Variants in FNDC3B observed in about 807,000 individuals in gnomAD.
FNDC3B encodes fibronectin type III domain containing 3B.
A neutral mutation model predicts 151.5 loss-of-function variants in FNDC3B; 12 were observed. The observed-to-expected ratio is 0.08, with a 90% CI of 0.05 to 0.13. The LOEUF is 0.13. FNDC3B is among the 10% of genes least tolerant of loss of function. FNDC3B has a pLI of 1.00. For synonymous variants in FNDC3B, 528 were observed against 549.0 expected (o/e 0.96, Z 0.54); for missense variants, 1,214 against 1,505.3 (o/e 0.81, Z 3.20).
intron 3 of FNDC3B, among the ~76,000 whole-genome samples, chr3:172,180,379 A>G (rs1461873429): frequency 6.6e-6 from 1 of 152,210 alleles, no homozygotes; most frequent in African/African-American, 2.4e-5. Flanking sequence ...GTTTGAGAAC[A>G]TGAATGATTC....
intron 4 of FNDC3B, among the ~76,000 whole-genome samples, chr3:172,245,726 A>G (rs1275321456): frequency 3.3e-5 from 5 of 152,232 alleles, no homozygotes; most frequent in Non-Finnish European, 7.3e-5. Context: ...ATTAGCTTCC[A>G]TGCATTCATA....
intron 22 of FNDC3B, among the ~76,000 whole-genome samples, chr3:172,353,563 G>A (rs889813466): frequency 1.2e-4 from 18 of 152,240 alleles, no homozygotes; most frequent in African/African-American, 4.3e-4. Context: ...GAGCTCAGGG[G>A]TTCAACTGAG....
At chr3:172,378,174 AG>A in intron 23 of FNDC3B, 95 bp from the exon 24 acceptor site, 1 of 976,334 alleles carries the variant, frequency 1.0e-6, no homozygotes, top group South Asian at 1.8e-5. Context: ...AGCGTTTACC[AG>A]GTTGGCCTAA....
At chr3:172,329,499 G>C (rs1732525772) in intron 12 of FNDC3B, 2 of 156,560 alleles carry the variant, frequency 1.3e-5, no homozygotes, top group Admixed American at 6.5e-5. Flanking sequence ...TCAAGCCCAG[G>C]GCAGATACGG....
intron 6 of FNDC3B, among the ~76,000 whole-genome samples, chr3:172,262,770 G>A (rs1334932972): frequency 6.6e-6 from 1 of 151,556 alleles, no homozygotes; most frequent in East Asian, 1.9e-4. Flanking sequence ...TGGTGGGCAT[G>A]CCTGTAATCC....
chr3:172,385,311 A>G (rs1042579020), intron 25 of FNDC3B, among the ~76,000 whole-genome samples: 1 of 152,222 alleles, frequency 6.6e-6, no homozygotes, highest in Non-Finnish European at 1.5e-5. Context: ...CTACAGGCTC[A>G]CTGTGTATAC....
intron 1 of FNDC3B, among the ~76,000 whole-genome samples, chr3:172,079,237 G>A (rs1718166324): frequency 6.6e-6 from 1 of 152,082 alleles, no homozygotes; most frequent in African/African-American, 2.4e-5. Context: ...TTAGTGAGAC[G>A]AGGCCTCAGT....
chr3:172,194,465 TC>T (rs1174826578), intron 3 of FNDC3B, among the ~76,000 whole-genome samples: 1 of 152,228 alleles, frequency 6.6e-6, no homozygotes, highest in Non-Finnish European at 1.5e-5. Context: ...TCCTTCGTAC[TC>T]ACTCCAAAGT....
intron 22 of FNDC3B, among the ~76,000 whole-genome samples, chr3:172,359,093 A>C (rs535339847): frequency 6.6e-6 from 1 of 152,082 alleles, no homozygotes; most frequent in East Asian, 1.9e-4. Context: ...AGAGAACCCT[A>C]GAGCTAAAGA....
At chr3:172,117,604 T>G (rs756679468) in intron 2 of FNDC3B, among the ~76,000 whole-genome samples, 13 of 152,352 alleles carry the variant, frequency 8.5e-5, no homozygotes, top group Non-Finnish European at 1.2e-4. Context: ...TTTGTTAATT[T>G]AACGTGATAC....
At chr3:172,207,564 C>T (rs182444305) in intron 3 of FNDC3B, among the ~76,000 whole-genome samples, 30 of 152,228 alleles carry the variant, frequency 2.0e-4, no homozygotes, top group African/African-American at 7.0e-4. Flanking sequence ...TACCTGGGCT[C>T]AGGAGGGAGG....
At chr3:172,313,500 A>G (rs891987188) in intron 11 of FNDC3B, among the ~76,000 whole-genome samples, 3 of 152,136 alleles carry the variant, frequency 2.0e-5, no homozygotes, top group African/African-American at 7.2e-5. Context: ...ATTTGGAATC[A>G]TTTTCACTGT....
chr3:172,273,396 A>G (rs781301598), intron 6 of FNDC3B, among the ~76,000 whole-genome samples: 14 of 152,164 alleles, frequency 9.2e-5, no homozygotes, highest in Non-Finnish European at 2.1e-4. Context: ...CACCTTCTTC[A>G]TTGGCTCTGT....
At chr3:172,339,189 A>G (rs996525857) in intron 16 of FNDC3B, among the ~76,000 whole-genome samples, 2 of 152,156 alleles carry the variant, frequency 1.3e-5, no homozygotes, top group Non-Finnish European at 2.9e-5. Context: ...GTTGGTTCCT[A>G]TTTTAAGCTG....
intron 2 of FNDC3B, among the ~76,000 whole-genome samples, chr3:172,124,384 C>T (rs1311608194): frequency 1.3e-5 from 2 of 152,224 alleles, no homozygotes; most frequent in Non-Finnish European, 2.9e-5. Flanking sequence ...AGCCACCACG[C>T]CTGGGCCAAT....
intron 8 of FNDC3B, among the ~76,000 whole-genome samples, chr3:172,296,890 G>GT (rs1433128032): frequency 2.0e-5 from 3 of 152,308 alleles, no homozygotes; most frequent in Non-Finnish European, 4.4e-5. Flanking sequence ...TATACGCTCT[G>GT]TGGGGGTGGG....
At chr3:172,263,493 A>G (rs1464917579) in intron 6 of FNDC3B, among the ~76,000 whole-genome samples, 1 of 151,982 alleles carries the variant, frequency 6.6e-6, no homozygotes, top group Admixed American at 6.6e-5. Flanking sequence ...GGAACTCTGT[A>G]ATATACCAGC....
chr3:172,166,702 C>G (rs1000544468), intron 3 of FNDC3B, among the ~76,000 whole-genome samples: 1 of 151,966 alleles, frequency 6.6e-6, no homozygotes, highest in African/African-American at 2.4e-5. Context: ...CTGCAGTGCC[C>G]TATGATTGTG....
chr3:172,100,355 C>T (rs1481636834), intron 1 of FNDC3B, among the ~76,000 whole-genome samples: 1 of 152,178 alleles, frequency 6.6e-6, no homozygotes, highest in Non-Finnish European at 1.5e-5. Context: ...AAGCACCATG[C>T]TTTCAAACAC....
Sources: allele counts gnomAD v4.1 joint callset (sites outside exome capture counted in the v4.1 genomes callset), GRCh38; gene constraint gnomAD v4.1.1; transcripts MANE v1.5; gene names NCBI Gene and HGNC (gene_info 2026-07-23, HGNC 2026-07-21).